The following PAPPA variants were observed in gnomAD, a reference collection of about 807,000 sequenced individuals.
PAPPA encodes pappalysin-1.
In PAPPA, 60 loss-of-function variants were observed where a neutral mutation model predicts 164.0. That is an observed-to-expected ratio of 0.37 (90% CI 0.30 to 0.45). The LOEUF (loss-of-function observed/expected upper bound fraction) is 0.45, where lower values mean the gene tolerates loss of function less well. PAPPA is among the 20% of genes least tolerant of loss of function. The pLI is 1.00. For synonymous variants in PAPPA, 875 were observed against 814.1 expected, an observed-to-expected ratio of 1.07 and a Z score of -1.27; for missense variants, 1,782 against 2,087.3, an observed-to-expected ratio of 0.85 and a Z score of 2.85.
At chr9:116,313,512 G>A (rs1232840711) in intron 10 of PAPPA, among the ~76,000 whole-genome samples, 1 of 152,184 alleles carries the variant, frequency 6.6e-6, no homozygotes, top group Non-Finnish European at 1.5e-5. Context: ...GGTGGCAAGG[G>A]GTCCAGGAAG....
At chr9:116,321,770 C>T (rs1845859244) in intron 10 of PAPPA, among the ~76,000 whole-genome samples, 1 of 152,188 alleles carries the variant, frequency 6.6e-6, no homozygotes, top group African/African-American at 2.4e-5. Context: ...TTGGTGAGCC[C>T]TGCCCAGTAA....
chr9:116,165,950 C>T (rs1272148488), intron 1 of PAPPA, among the ~76,000 whole-genome samples: 2 of 152,138 alleles, frequency 1.3e-5, no homozygotes, highest in Non-Finnish European at 2.9e-5. Flanking sequence ...GAGATCTTAT[C>T]CATCTCAAGT....
intron 1 of PAPPA, among the ~76,000 whole-genome samples, chr9:116,178,137 G>A (rs907438386): frequency 4.6e-5 from 7 of 152,048 alleles, no homozygotes; most frequent in South Asian, 2.1e-4. Context: ...ACGGAGTTTC[G>A]CTCTTGTTGC....
intron 5 of PAPPA, among the ~76,000 whole-genome samples, chr9:116,224,757 A>G (rs957659522): frequency 1.3e-5 from 2 of 152,340 alleles, no homozygotes; most frequent in African/African-American, 4.8e-5. Flanking sequence ...TTAAATAGCC[A>G]CATATGGCTA....
chr9:116,172,922 A>C (rs765700046), intron 1 of PAPPA, among the ~76,000 whole-genome samples: 5 of 152,192 alleles, frequency 3.3e-5, no homozygotes, highest in Non-Finnish European at 7.3e-5. Context: ...ATCAGATCTC[A>C]AGCTAATCAC....
At chr9:116,197,899 AT>A (rs1844126438) in intron 2 of PAPPA, among the ~76,000 whole-genome samples, 1 of 152,238 alleles carries the variant, frequency 6.6e-6, no homozygotes, top group Non-Finnish European at 1.5e-5. Context: ...TAAACTTAGT[AT>A]ATTTTAGTTA....
At chr9:116,255,665 C>T (rs1229375063) in intron 7 of PAPPA, among the ~76,000 whole-genome samples, 1 of 151,862 alleles carries the variant, frequency 6.6e-6, no homozygotes, top group East Asian at 2.0e-4. Context: ...TTCTTGTTCA[C>T]CCCAGGAGAG....
At chr9:116,224,152 G>A (rs1844476955) in intron 5 of PAPPA, among the ~76,000 whole-genome samples, 1 of 152,034 alleles carries the variant, frequency 6.6e-6, no homozygotes, top group Admixed American at 6.6e-5. Flanking sequence ...AGAATACAAG[G>A]GTTTCCCTTA....
intron 1 of PAPPA, among the ~76,000 whole-genome samples, chr9:116,182,436 A>G (rs1843917990): frequency 6.6e-6 from 1 of 152,220 alleles, no homozygotes; most frequent in South Asian, 2.1e-4. Flanking sequence ...TTACTCAGTG[A>G]TGAGGCAGTT....
chr9:116,182,208 G>A (rs1197756778), intron 1 of PAPPA, among the ~76,000 whole-genome samples: 1 of 152,192 alleles, frequency 6.6e-6, no homozygotes, highest in Non-Finnish European at 1.5e-5. Context: ...TTAACGTAGA[G>A]TAAATGATAG....
At chr9:116,319,628 T>C (rs1208311050) in intron 10 of PAPPA, among the ~76,000 whole-genome samples, 1 of 152,206 alleles carries the variant, frequency 6.6e-6, no homozygotes, top group Non-Finnish European at 1.5e-5. Flanking sequence ...CTCACCGTTA[T>C]TGTCATCATT....
At chr9:116,176,292 C>G (rs1843834089) in intron 1 of PAPPA, among the ~76,000 whole-genome samples, 1 of 152,106 alleles carries the variant, frequency 6.6e-6, no homozygotes, top group Admixed American at 6.5e-5. Flanking sequence ...ATTCTGAGAG[C>G]ATCAGAGAAA....
chr9:116,353,769 G>A lies in PAPPA; in HGVS notation c.4323G>A (p.Lys1441=). 6.2e-7 allele frequency: 1 copy of A among 1,613,680 alleles called. No homozygotes were observed. The highest frequency in any genetic ancestry group is 1.1e-5 in the South Asian group (1 of 90,992). Residue 1441 remains lysine (K), a synonymous_variant, in exon 17 of 22, where the codon AAG becomes AAA. Transcript: ENST00000328252. ...AGTTCAACAGTGAGTGTAGGATCAA[G>A]TGTGAAGACAGTGATGCCTCCCAGG... ...GFQFNSECRI[K]CEDSDASQGL...
chr9:116,311,893 A>G (rs937302579), intron 10 of PAPPA, among the ~76,000 whole-genome samples: 1 of 152,252 alleles, frequency 6.6e-6, no homozygotes, highest in African/African-American at 2.4e-5. Flanking sequence ...TTGTAGGCAT[A>G]CAACAAACAC....
At chr9:116,384,436 T>C (rs902202827) in intron 21 of PAPPA, among the ~76,000 whole-genome samples, 2 of 151,984 alleles carry the variant, frequency 1.3e-5, no homozygotes, top group African/African-American at 4.8e-5. Context: ...GCCTAGGCGA[T>C]AGGGTGAGAC....
intron 7 of PAPPA, among the ~76,000 whole-genome samples, chr9:116,263,246 C>T (rs926721194): frequency 2.6e-5 from 4 of 152,222 alleles, no homozygotes; most frequent in African/African-American, 4.8e-5. Flanking sequence ...GGTGGGTAGA[C>T]GTTACAGGGA....
At chr9:116,236,521 G>A (rs933733459) in intron 7 of PAPPA, among the ~76,000 whole-genome samples, 1 of 151,120 alleles carries the variant, frequency 6.6e-6, no homozygotes, top group Non-Finnish European at 1.5e-5. Flanking sequence ...CAGGAGGCGG[G>A]GTTGCAGTGA....
intron 4 of PAPPA, 110 bp downstream of exon 4, chr9:116,212,042 G>A: frequency 2.3e-6 from 2 of 874,952 alleles, no homozygotes; most frequent in Non-Finnish European, 3.6e-6. Flanking sequence ...AGGATGGAAG[G>A]CCTAGCTCTG....
At chr9:116,382,153 CAT>C (rs1199242460) in intron 20 of PAPPA, among the ~76,000 whole-genome samples, 1 of 152,010 alleles carries the variant, frequency 6.6e-6, no homozygotes, top group Non-Finnish European at 1.5e-5. Context: ...TCAGCATAAC[CAT>C]ACTCTAGTTG....
Sources: allele counts gnomAD v4.1 joint callset (sites outside exome capture counted in the v4.1 genomes callset), GRCh38; gene constraint gnomAD v4.1.1; transcripts MANE v1.5; gene names NCBI Gene and HGNC (gene_info 2026-07-23, HGNC 2026-07-21).